Variants in DPP10 observed in about 807,000 individuals in gnomAD.
DPP10 encodes dipeptidyl peptidase like 10, also known as inactive dipeptidyl peptidase 10.
In DPP10, 33 loss-of-function variants were observed where a neutral mutation model predicts 120.9. The ratio of observed to expected loss-of-function variants is 0.27; its 90% CI spans 0.21 to 0.37. The LOEUF (loss-of-function observed/expected upper bound fraction) is 0.37. Among genes scored for constraint, DPP10 ranks in the 10% least tolerant of loss-of-function variants. The pLI is 1.00. For missense variants in DPP10, 816 were observed against 942.8 expected (o/e 0.87, Z 1.76); for synonymous variants, 337 against 326.1 (o/e 1.03, Z -0.36).
At position 114,766,546 on chromosome 2, in the gene DPP10, A is replaced by G. The variant is rs192971797; in HGVS notation, c.60+323708A>G. Among the ~76,000 whole-genome samples the G allele has an allele frequency of 2.3e-3, 351 of 152,188 alleles. 1 individual carries two copies. Among genetic ancestry groups the G allele is most frequent in the African/African-American group, 8.2e-3 (342 of 41,560 alleles). The stretch of plus-strand genomic sequence containing the variant: ...CAACCCAAATATCCTCCAGTGGGTG[A>G]ATGGTTAACAGGTTCCAATGCATTC... On this transcript the variant is annotated intron_variant, in intron 1 of 25. Coordinates refer to ENST00000410059, the MANE Select transcript of DPP10 (RefSeq NM_020868.6).
chr2:115,245,775 C>T (rs2058506381), intron 1 of DPP10, among the ~76,000 whole-genome samples: 1 of 152,098 alleles, frequency 6.6e-6, no homozygotes, highest in African/African-American at 2.4e-5. Context: ...CTGAGTTTTA[C>T]ATGATAGATT....
chr2:115,507,672 G>C (rs2077018912), intron 4 of DPP10, among the ~76,000 whole-genome samples: 1 of 152,150 alleles, frequency 6.6e-6, no homozygotes, highest in African/African-American at 2.4e-5. Flanking sequence ...GATTTATACT[G>C]AGTTTTGTAG....
chr2:114,629,726 A>G (rs1213692881), intron 1 of DPP10, among the ~76,000 whole-genome samples: 1 of 152,202 alleles, frequency 6.6e-6, no homozygotes, highest in Non-Finnish European at 1.5e-5. Context: ...ATGGACCTAA[A>G]TTCATTAAAA....
At chr2:115,730,258 C>T (rs996581) in intron 8 of DPP10, among the ~76,000 whole-genome samples, 60,084 of 151,840 alleles carry the variant, frequency 0.4, 12,204 homozygotes, top group Middle Eastern at 0.53. Flanking sequence ...GGAGGAAAGA[C>T]TCTAAAATTG....
At chr2:114,887,059 T>C (rs1393929561) in intron 1 of DPP10, among the ~76,000 whole-genome samples, 11 of 152,208 alleles carry the variant, frequency 7.2e-5, no homozygotes, top group Admixed American at 7.2e-4. Flanking sequence ...ATTTTGTCCA[T>C]TCCACCTTCA....
intron 3 of DPP10, among the ~76,000 whole-genome samples, chr2:115,484,150 A>C (rs1252080367): frequency 7.0e-6 from 1 of 141,986 alleles, no homozygotes; most frequent in African/African-American, 2.6e-5. Context: ...CCCCCCCCCC[A>C]CACACAAACA....
chr2:115,354,275 G>C (rs902713449), intron 3 of DPP10, among the ~76,000 whole-genome samples: 1 of 152,042 alleles, frequency 6.6e-6, no homozygotes, highest in Admixed American at 6.6e-5. Context: ...ATGTCACCCA[G>C]GTAATGAGCA....
chr2:114,641,626 A>T (rs1269344179), intron 1 of DPP10, among the ~76,000 whole-genome samples: 1 of 151,974 alleles, frequency 6.6e-6, no homozygotes, highest in Non-Finnish European at 1.5e-5. Flanking sequence ...GCCACAACTA[A>T]AGTATATTTT....
intron 3 of DPP10, among the ~76,000 whole-genome samples, chr2:115,402,842 G>GAAAAAA (rs1553584302): frequency 2.6e-5 from 1 of 38,496 alleles, no homozygotes; most frequent in Non-Finnish European, 5.9e-5. Context: ...ACACTACAAG[G>GAAAAAA]AAAAAAAAAA....
At chr2:114,581,173 C>CTTTTTTTTTTTT (rs70937291) in intron 1 of DPP10, among the ~76,000 whole-genome samples, 7 of 77,894 alleles carry the variant, frequency 9.0e-5, no homozygotes, top group Non-Finnish European at 1.6e-4. Context: ...TTTTTCTTCT[C>CTTTTTTTTTTTT]TTTTTTTTTT....
chr2:115,415,852 T>TATATATATATAC (rs1553592867), intron 3 of DPP10, among the ~76,000 whole-genome samples: 1 of 132,082 alleles, frequency 7.6e-6, no homozygotes, highest in African/African-American at 3.0e-5. Context: ...TATATATATA[T>TATATATATATAC]ATATATATAT....
At chr2:115,180,781 T>C (rs566090072) in intron 1 of DPP10, among the ~76,000 whole-genome samples, 4 of 152,010 alleles carry the variant, frequency 2.6e-5, no homozygotes, top group Admixed American at 6.6e-5. Context: ...AGGGTGGGAG[T>C]GGGCATGAAA....
At chr2:114,629,753 G>T (rs1573832947) in intron 1 of DPP10, among the ~76,000 whole-genome samples, 1 of 152,082 alleles carries the variant, frequency 6.6e-6, no homozygotes, top group Non-Finnish European at 1.5e-5. Flanking sequence ...TACCGTTGAA[G>T]CAGCATTTCT....
chr2:115,168,325 T>G (rs1397791669), intron 1 of DPP10, among the ~76,000 whole-genome samples: 1 of 152,142 alleles, frequency 6.6e-6, no homozygotes, highest in Non-Finnish European at 1.5e-5. Context: ...TACTAAGACA[T>G]ACATCAACCA....
intron 1 of DPP10, among the ~76,000 whole-genome samples, chr2:114,596,714 T>C (rs1691938169): frequency 6.6e-6 from 1 of 151,978 alleles, no homozygotes; most frequent in Admixed American, 6.6e-5. Context: ...CATTTTTTTT[T>C]CCTAATGATA....
At chr2:115,427,376 C>T (rs2070576727) in intron 3 of DPP10, among the ~76,000 whole-genome samples, 1 of 152,208 alleles carries the variant, frequency 6.6e-6, no homozygotes, top group African/African-American at 2.4e-5. Flanking sequence ...GGTAACCCAG[C>T]CTCTCTCATA....
intron 1 of DPP10, among the ~76,000 whole-genome samples, chr2:115,244,829 A>G (rs1294263494): frequency 1.4e-5 from 2 of 141,070 alleles, no homozygotes; most frequent in Non-Finnish European, 3.1e-5. Flanking sequence ...ATATATATGT[A>G]TGCACATATA....
At chr2:114,945,059 T>C (rs1037231232) in intron 1 of DPP10, among the ~76,000 whole-genome samples, 1 of 152,104 alleles carries the variant, frequency 6.6e-6, no homozygotes, top group African/African-American at 2.4e-5. Flanking sequence ...AACAAAAGCA[T>C]AAAACAAAAC....
chr2:114,952,488 G>A (rs1309506155), intron 1 of DPP10, among the ~76,000 whole-genome samples: 5 of 152,118 alleles, frequency 3.3e-5, no homozygotes, highest in Non-Finnish European at 7.4e-5. Flanking sequence ...AACACCAAGA[G>A]CCACCACTCG....
Sources: allele counts gnomAD v4.1 joint callset (sites outside exome capture counted in the v4.1 genomes callset), GRCh38; gene constraint gnomAD v4.1.1; transcripts MANE v1.5; gene names NCBI Gene and HGNC (gene_info 2026-07-23, HGNC 2026-07-21).